Variants in CENPI observed in about 807,000 individuals in gnomAD.
CENPI encodes centromere protein I.
CENPI carries 4 observed loss-of-function variants against 60.4 expected under a neutral mutation model. That is an observed-to-expected ratio of 0.07 (90% CI 0.03 to 0.15). CENPI has a LOEUF of 0.15. Among genes scored for constraint, CENPI ranks in the 10% least tolerant of loss-of-function variants. The pLI is 1.00. For missense variants in CENPI, 444 were observed against 534.5 expected, an observed-to-expected ratio of 0.83 and a Z score of 1.67; for synonymous variants, 157 against 189.4, an observed-to-expected ratio of 0.83 and a Z score of 1.40.
chrX:101,100,963 A>G (rs938476653), intron 2 of CENPI, 95 bp from the exon 3 acceptor site: 27 of 539,124 alleles, frequency 5.0e-5, no homozygotes, highest in Middle Eastern at 6.8e-4. Flanking sequence ...TATGCTAGCT[A>G]TTGTATACTA....
At chrX:101,099,713 A>G (rs2089389287) in intron 2 of CENPI, 1 of 109,683 alleles carries the variant, frequency 9.1e-6, no homozygotes, top group South Asian at 3.9e-4. Flanking sequence ...CAAAGTTACA[A>G]TGTAGCTTCC....
chrX:101,107,343 A>C (rs1229043065), intron 4 of CENPI, among the ~76,000 whole-genome samples: 1 of 97,510 alleles, frequency 1.0e-5, no homozygotes, highest in Non-Finnish European at 2.1e-5. Context: ...ACATACCATA[A>C]AATTCATTTT....
chrX:101,123,235 C>T lies in CENPI; in HGVS notation c.687+2451C>T, dbSNP rs780788030. 9.8e-5 allele frequency among the ~76,000 whole-genome samples: 11 copies of T among 112,068 alleles called. No individual in the cohort carries two copies. The East Asian group carries it at 1.7e-3, about 17-fold the overall frequency. On this transcript the variant is annotated intron_variant, in intron 8 of 21. Transcript: ENST00000682095. ...TATGTGAGGAAATACATTGGATGTG[C>T]GAATTTCTGATACCTGCAAAGGCAT...
intron 6 of CENPI, among the ~76,000 whole-genome samples, chrX:101,116,233 A>G (rs1394663268): frequency 8.9e-6 from 1 of 111,752 alleles, no homozygotes; most frequent in Non-Finnish European, 1.9e-5. Context: ...CCCACAGCCC[A>G]GGATTGCTCT....
At position 101,162,471 on chromosome X, in the gene CENPI, A is replaced by AT. The variant is rs1182467283; in HGVS notation, c.2137-362_2137-361insT. Among the ~76,000 whole-genome samples the AT allele has an allele frequency of 3.3e-3, 252 of 76,222 alleles. 2 individuals carry two copies. Among genetic ancestry groups the AT allele is most frequent in the African/African-American group, 9.4e-3 (159 of 16,906 alleles). The allele number at this position is 76,222 out of a possible 115,157, so 66.2% of individuals were successfully genotyped here. ...ACCGTATCTCAAAAAAAAAAAAAAA[A>AT]AAATATATATATATATATATAATTA... On this transcript the variant is annotated intron_variant, in intron 21 of 21. Transcript: ENST00000682095.
At chrX:101,104,478 C>T (rs1198478949) in intron 4 of CENPI, among the ~76,000 whole-genome samples, 1 of 111,592 alleles carries the variant, frequency 9.0e-6, no homozygotes, top group African/African-American at 3.3e-5. Flanking sequence ...AAAAGAGGCT[C>T]AGAGTAGTTA....
At chrX:101,125,883 A>G (rs1359357659) in intron 8 of CENPI, among the ~76,000 whole-genome samples, 1 of 111,954 alleles carries the variant, frequency 8.9e-6, no homozygotes, top group Admixed American at 9.6e-5. Context: ...ACAACTAAGT[A>G]TTCTCTAAAA....
At chrX:101,103,507 A>G (rs2089447250) in intron 4 of CENPI, among the ~76,000 whole-genome samples, 1 of 110,074 alleles carries the variant, frequency 9.1e-6, no homozygotes, top group Non-Finnish European at 1.9e-5. Context: ...ACGCCTGACT[A>G]GTTTTGTATT....
intron 11 of CENPI, 142 bp from the exon 12 acceptor site, chrX:101,128,574 C>G (rs375899816): frequency 2.0e-6 from 1 of 498,867 alleles, no homozygotes; most frequent in East Asian, 3.5e-5. Context: ...AAGTGATCCT[C>G]CTGCCTCAGC....
At chrX:101,137,026 C>T (rs2089854953) in intron 15 of CENPI, among the ~76,000 whole-genome samples, 1 of 110,940 alleles carries the variant, frequency 9.0e-6, no homozygotes, top group Admixed American at 9.7e-5. Context: ...GATTCTCCCA[C>T]CTCAGCCTCC....
Position 101,163,364 on chromosome X carries a change from A to T in CENPI, c.*397A>T, listed in dbSNP as rs1337836381. On this transcript the variant is annotated 3_prime_UTR_variant, in exon 22 of 22. Coordinates refer to ENST00000682095, the MANE Select transcript of CENPI (RefSeq NM_001386188.2). ...GCAAAATACTTTGCTGTCTCTGGGG[A>T]TATTGCCATTTTTCTTACTGTGAGC... 2 of 138,079 alleles carry T rather than the reference A, an allele frequency of 1.4e-5. No homozygotes were observed. Among genetic ancestry groups the T allele is most frequent in the Non-Finnish European group, 1.4e-5 (1 of 72,307 alleles). 11.4% of individuals were successfully genotyped at this position (138,079 alleles called of 1,213,427 possible).
At chrX:101,119,350 CTT>C (rs753978494) in intron 6 of CENPI, among the ~76,000 whole-genome samples, 4 of 111,807 alleles carry the variant, frequency 3.6e-5, no homozygotes, top group Non-Finnish European at 7.5e-5. Flanking sequence ...TAAAGAAAGT[CTT>C]TGCTCTTGTT....
chrX:101,118,244 A>G (rs969718463), intron 6 of CENPI, among the ~76,000 whole-genome samples: 10 of 111,485 alleles, frequency 9.0e-5, no homozygotes, highest in Non-Finnish European at 1.9e-4. Flanking sequence ...TTTCTATACA[A>G]CGGTGAAAGA....
At chrX:101,123,392 G>A (rs2148181174) in intron 8 of CENPI, among the ~76,000 whole-genome samples, 1 of 110,830 alleles carries the variant, frequency 9.0e-6, no homozygotes, top group Non-Finnish European at 1.9e-5. Context: ...ACTAGGCCCT[G>A]TCCAGAGCAA....
At chrX:101,103,490 C>T (rs762432082) in intron 4 of CENPI, among the ~76,000 whole-genome samples, 1 of 110,015 alleles carries the variant, frequency 9.1e-6, no homozygotes, top group South Asian at 3.9e-4. Flanking sequence ...TACAGGCATG[C>T]GCCACCACGC....
At chrX:101,173,352 C>G in the CENPI span, among the ~76,000 whole-genome samples, 2 of 65,824 alleles carry the variant, frequency 3.0e-5, no homozygotes, top group Non-Finnish European at 5.4e-5. Flanking sequence ...GGCGGGGTCT[C>G]ACTCTGTCAC....
chrX:101,180,714 G>A, the CENPI span, among the ~76,000 whole-genome samples: 1 of 111,623 alleles, frequency 9.0e-6, no homozygotes, highest in Non-Finnish European at 1.9e-5. Context: ...TCTTCTGAGA[G>A]TTTTCTAGTT....
intron 13 of CENPI, among the ~76,000 whole-genome samples, chrX:101,131,574 A>G (rs764310527): frequency 1.3e-3 from 140 of 111,833 alleles, no homozygotes; most frequent in African/African-American, 4.2e-3. Flanking sequence ...AGCTAGAGAT[A>G]CAGATTTAGG....
At chrX:101,175,756 G>T in the CENPI span, among the ~76,000 whole-genome samples, 1 of 111,622 alleles carries the variant, frequency 9.0e-6, no homozygotes, top group Non-Finnish European at 1.9e-5. Context: ...GGGTACTTGG[G>T]ATGTCTAACA....
Sources: gnomAD v4.1 joint callset for allele counts (sites outside exome capture counted in the v4.1 genomes callset) on GRCh38, gnomAD v4.1.1 for gene constraint, MANE v1.5 for transcripts, NCBI Gene and HGNC (gene_info 2026-07-23, HGNC 2026-07-21) for gene names.